ITPR2: variants seen among roughly 807,000 people sequenced by gnomAD.
The protein encoded by ITPR2 is inositol 1,4,5-trisphosphate-gated calcium channel ITPR2.
In ITPR2, 207 loss-of-function variants were observed where a neutral mutation model predicts 317.1. The observed-to-expected ratio is 0.65, with a 90% CI of 0.58 to 0.73. The LOEUF is 0.73. Among genes scored for constraint, ITPR2 ranks in the 30% least tolerant of loss-of-function variants. The pLI is 0.00. For synonymous variants in ITPR2, 1,156 were observed against 1,149.1 expected (o/e 1.01, Z -0.12); for missense variants, 2,613 against 3,284.0 (o/e 0.80, Z 4.99).
intron 13 of ITPR2, among the ~76,000 whole-genome samples, chr12:26,674,422 C>T (rs912647950): frequency 4.6e-5 from 7 of 152,136 alleles, no homozygotes; most frequent in African/African-American, 1.7e-4. Flanking sequence ...CTTTGACAAA[C>T]CTGAGAGAAA....
intron 37 of ITPR2, among the ~76,000 whole-genome samples, chr12:26,504,119 C>A (rs1943133246): frequency 6.6e-6 from 1 of 152,162 alleles, no homozygotes; most frequent in African/African-American, 2.4e-5. Flanking sequence ...ATTTAGACAG[C>A]CTTTCCTTGA....
chr12:26,711,075 G>T, intron 9 of ITPR2, 98 bp downstream of exon 9: 1 of 731,938 alleles, frequency 1.4e-6, no homozygotes, highest in Non-Finnish European at 2.4e-6. Flanking sequence ...TTTGTGTAAT[G>T]ACTGTTCCTG....
At chr12:26,787,844 A>G (rs1950280866) in intron 2 of ITPR2, among the ~76,000 whole-genome samples, 1 of 152,190 alleles carries the variant, frequency 6.6e-6, no homozygotes. Context: ...CCTGCTCTTG[A>G]AGAGGCAATG....
Position 26,419,120 on chromosome 12 carries a change from G to A in ITPR2, c.7039C>T (p.Leu2347Phe), listed in dbSNP as rs1215649976. 1 of 1,613,854 alleles carries A rather than the reference G, an allele frequency of 6.2e-7. No homozygotes were observed. Among genetic ancestry groups the A allele is most frequent in the African/African-American group, 1.3e-5 (1 of 75,004 alleles). ...YRAVILDMAF[L>F]YHVAYVLVCM... Reference sequence around the variant, plus strand: ...ACCAGGACATACGCCACGTGATAGAGAAAGGCCATATCCAGGATGACTGCT... The same window carrying A: ...ACCAGGACATACGCCACGTGATAGAAAAAGGCCATATCCAGGATGACTGCT... The change falls in exon 50 of 57, where the codon CTC becomes TTC. Residue 2347 changes from leucine (L) to phenylalanine (F), a missense_variant. Leu to Phe is a conservative substitution (Grantham distance 22). Around this residue, in one of 9 missense-constraint regions of ITPR2, gnomAD observed 78 missense variants for 110.3 expected, o/e 0.71. Transcript: ENST00000381340.
Position 26,821,467 on chromosome 12 carries a change from A to C in ITPR2, c.92+11223T>G, listed in dbSNP as rs540806622. ...GTCATGTAAATGATGGGACCCAAAG[A>C]GTAGGTCCTGCTATTGAGATTCCCA... On this transcript the variant is annotated intron_variant, in intron 1 of 56. Coordinates refer to ENST00000381340, the MANE Select transcript of ITPR2 (RefSeq NM_002223.4). Among the ~76,000 whole-genome samples the C allele has an allele frequency of 6.6e-5, 10 of 152,328 alleles. 1 individual carries two copies. The East Asian group carries it at 1.3e-3, about 21-fold the overall frequency.
At chr12:26,426,603 T>C (rs1320415961) in intron 49 of ITPR2, among the ~76,000 whole-genome samples, 1 of 152,166 alleles carries the variant, frequency 6.6e-6, no homozygotes, top group Non-Finnish European at 1.5e-5. Context: ...TTTGTAGGTA[T>C]AGTACACTTC....
intron 2 of ITPR2, among the ~76,000 whole-genome samples, chr12:26,751,607 T>TG (rs1949420018): frequency 1.3e-5 from 2 of 152,164 alleles, no homozygotes; most frequent in Admixed American, 1.3e-4. Flanking sequence ...CAGTGGCTGA[T>TG]GCCTGTAATC....
chr12:26,454,159 C>T (rs544872697), intron 45 of ITPR2, among the ~76,000 whole-genome samples: 1 of 152,200 alleles, frequency 6.6e-6, no homozygotes, highest in Admixed American at 6.5e-5. Context: ...TGATGAATTA[C>T]AATATTATAT....
chr12:26,830,447 T>C (rs1951082383), intron 1 of ITPR2, among the ~76,000 whole-genome samples: 1 of 152,260 alleles, frequency 6.6e-6, no homozygotes, highest in African/African-American at 2.4e-5. Flanking sequence ...GGTTTAAAGA[T>C]TATTATGTAT....
intron 1 of ITPR2, among the ~76,000 whole-genome samples, chr12:26,795,899 G>A (rs1053944532): frequency 1.6e-4 from 24 of 150,878 alleles, no homozygotes; most frequent in African/African-American, 5.8e-4. Context: ...CGGGAGAATC[G>A]CTTAAACCCA....
At chr12:26,556,564 TTTTG>T (rs1232031230) in intron 35 of ITPR2, among the ~76,000 whole-genome samples, 189 bp from the exon 36 acceptor site, 3 of 111,594 alleles carry the variant, frequency 2.7e-5, no homozygotes, top group Non-Finnish European at 6.4e-5. Flanking sequence ...CTATTTTTTT[TTTTG>T]TGTGTGTGTG....
intron 54 of ITPR2, among the ~76,000 whole-genome samples, chr12:26,387,848 G>T (rs547494317): frequency 6.6e-6 from 1 of 152,154 alleles, no homozygotes; most frequent in East Asian, 1.9e-4. Flanking sequence ...TGTAATAGAT[G>T]AAAAAGTTGC....
At chr12:26,344,954 G>A (rs1254857911) in intron 55 of ITPR2, among the ~76,000 whole-genome samples, 6 of 151,874 alleles carry the variant, frequency 4.0e-5, no homozygotes, top group African/African-American at 1.5e-4. Context: ...TTCACTCCTT[G>A]TATCTGTCTG....
intron 8 of ITPR2, among the ~76,000 whole-genome samples, 164 bp from the exon 9 acceptor site, chr12:26,711,432 T>A (rs898615959): frequency 6.6e-6 from 1 of 152,318 alleles, no homozygotes; most frequent in Middle Eastern, 3.4e-3. Flanking sequence ...TCCCCATAAA[T>A]GAGCAAGAGA....
Position 26,400,168 on chromosome 12 carries a change from C to T in ITPR2, c.7490G>A (p.Gly2497Asp), listed in dbSNP as rs1303439740. ...TCTTAGCACATCCCCCACACCACCG[C>T]CATTCCTGAGGCCCTGGTTCAGCAC... is the stretch of plus-strand genomic sequence containing the variant. ...VTVLNQGLRN[G>D]GGVGDVLRRP... The change falls in exon 53 of 57, where the codon GGC becomes GAC. Residue 2497 changes from glycine (G) to aspartate (D), a missense_variant. Transcript: ENST00000381340. 6.2e-7 allele frequency: 1 copy of T among 1,611,972 alleles called. No individual in the cohort carries two copies. The highest frequency in any genetic ancestry group is 1.1e-5 in the South Asian group (1 of 90,788).
intron 39 of ITPR2, among the ~76,000 whole-genome samples, chr12:26,490,554 T>A (rs1942776911): frequency 6.6e-6 from 1 of 152,230 alleles, no homozygotes; most frequent in Non-Finnish European, 1.5e-5. Flanking sequence ...GGCTCATGCC[T>A]GTAATCCCAG....
At position 26,336,254 on chromosome 12, in the gene ITPR2, G is replaced by T. The variant is rs1318064664; in HGVS notation, c.*3143C>A. 4.6e-5 allele frequency among the ~76,000 whole-genome samples: 7 copies of T among 152,124 alleles called. No individual in the cohort carries two copies. The highest frequency in any genetic ancestry group is 7.3e-5 in the Non-Finnish European group (5 of 68,028). On this transcript the variant is annotated 3_prime_UTR_variant, in exon 57 of 57. Transcript: ENST00000381340. Reference sequence around the variant, plus strand: ...TCATTCTCAGTCCTGGGGACTGGGGGCTAGTGGCTGAGTGTGGGCTATACT... The same window carrying T: ...TCATTCTCAGTCCTGGGGACTGGGGTCTAGTGGCTGAGTGTGGGCTATACT...
intron 15 of ITPR2, among the ~76,000 whole-genome samples, chr12:26,661,397 T>A (rs1381929698): frequency 2.0e-5 from 3 of 151,656 alleles, no homozygotes; most frequent in Non-Finnish European, 4.4e-5. Context: ...AAGAACCATG[T>A]GTGCCAGACC....
intron 1 of ITPR2, among the ~76,000 whole-genome samples, chr12:26,804,069 A>T (rs957772656): frequency 6.6e-6 from 1 of 152,136 alleles, no homozygotes; most frequent in Non-Finnish European, 1.5e-5. Context: ...TTCCAAGCAG[A>T]TGACTGTTGT....
Sources: gnomAD v4.1 joint callset for allele counts (sites outside exome capture counted in the v4.1 genomes callset) on GRCh38, gnomAD v4.1.1 for gene constraint, gnomAD v4.1.1 regional missense constraint, MANE v1.5 for transcripts, NCBI Gene and HGNC (gene_info 2026-07-23, HGNC 2026-07-21) for gene names.